The following ATXN8OS variants were observed in gnomAD, a reference collection of about 807,000 sequenced individuals.
ATXN8OS encodes ATXN8 opposite strand lncRNA.
At chr13:70,166,539 T>C (rs12429211) in intron 4 of ATXN8OS, among the ~76,000 whole-genome samples, 30,259 of 151,934 alleles carry the variant, frequency 0.2, 3,477 homozygotes, top group East Asian at 0.5. Flanking sequence ...GACTTAAATG[T>C]TAGACCTAAA....
chr13:70,107,536 C>G, upstream of ATXN8OS: 2 of 1,609,882 alleles, frequency 1.2e-6, no homozygotes, highest in East Asian at 2.2e-5. Context: ...TTTGAGCAGG[C>G]GACTCTGGCT....
At chr13:70,158,907 A>T (rs1198411136) in intron 4 of ATXN8OS, among the ~76,000 whole-genome samples, 1 of 152,182 alleles carries the variant, frequency 6.6e-6, no homozygotes, top group Non-Finnish European at 1.5e-5. Flanking sequence ...GTGTTATAGG[A>T]CTGCTCTTAA....
chr13:70,145,830 A>T (rs1888777107), intron 3 of ATXN8OS, among the ~76,000 whole-genome samples: 1 of 151,922 alleles, frequency 6.6e-6, no homozygotes, highest in South Asian at 2.1e-4. Flanking sequence ...CGTTGGCAAT[A>T]CCATTCAGGA....
chr13:70,125,872 G>T (rs889368722), intron 2 of ATXN8OS, among the ~76,000 whole-genome samples: 1 of 152,070 alleles, frequency 6.6e-6, no homozygotes, highest in African/African-American at 2.4e-5. Context: ...TACCTGCTCT[G>T]CTTCTCTTAC....
At chr13:70,112,831 T>C (rs1168493361) in intron 1 of ATXN8OS, among the ~76,000 whole-genome samples, 2 of 151,736 alleles carry the variant, frequency 1.3e-5, no homozygotes, top group Admixed American at 1.3e-4. Flanking sequence ...GTGCAGAATA[T>C]TGACAGTGGT....
intron 3 of ATXN8OS, among the ~76,000 whole-genome samples, chr13:70,135,498 C>T (rs892488126): frequency 2.6e-5 from 4 of 151,964 alleles, no homozygotes; most frequent in African/African-American, 9.7e-5. Flanking sequence ...TATACTTGGC[C>T]ATCGTAATTG....
intron 4 of ATXN8OS, among the ~76,000 whole-genome samples, chr13:70,163,728 T>C (rs1421325182): frequency 6.6e-6 from 1 of 151,968 alleles, no homozygotes; most frequent in Non-Finnish European, 1.5e-5. Flanking sequence ...TATCAGTATA[T>C]ACTTTTTTTG....
rs577774497 is a variant in ATXN8OS, at chr13:70,131,620, G to A, written n.499+1736G>A. 9.2e-4 allele frequency: 366 copies of A among 396,594 alleles called. 1 individual carries two copies. Among genetic ancestry groups the A allele is most frequent in the Middle Eastern group, 7.6e-3 (12 of 1,576 alleles). The allele number at this position is 396,594 out of a possible 1,614,324, so 24.6% of individuals were successfully genotyped here. On this transcript the variant is annotated intron_variant and non_coding_transcript_variant, in intron 3 of 4. Transcript: ENST00000678624. ...CCCTCAGTTCAGTTCATTCTCCTCC[G>A]TGTTTAGAGCTCAGCTCAGATATCC...
At chr13:70,132,668 T>C (rs143040683) in intron 3 of ATXN8OS, among the ~76,000 whole-genome samples, 292 of 152,262 alleles carry the variant, frequency 1.9e-3, no homozygotes, top group African/African-American at 6.8e-3. Context: ...GACTACATAT[T>C]GAGAGATTAG....
intron 4 of ATXN8OS, among the ~76,000 whole-genome samples, chr13:70,158,468 C>G (rs1888963869): frequency 1.3e-5 from 2 of 152,102 alleles, no homozygotes; most frequent in Non-Finnish European, 1.5e-5. Context: ...TGTAATAGGA[C>G]AGTACAAAAT....
intron 3 of ATXN8OS, among the ~76,000 whole-genome samples, chr13:70,141,727 C>A (rs1156419898): frequency 6.6e-6 from 1 of 151,864 alleles, no homozygotes; most frequent in African/African-American, 2.4e-5. Flanking sequence ...CATTTTTATT[C>A]ATTCATCAAA....
chr13:70,124,449 G>A (rs1366368213), intron 2 of ATXN8OS, among the ~76,000 whole-genome samples: 1 of 152,088 alleles, frequency 6.6e-6, no homozygotes, highest in Non-Finnish European at 1.5e-5. Context: ...TCTCTGATAA[G>A]ATGACAATCA....
At chr13:70,136,401 C>A (rs765837652) in intron 3 of ATXN8OS, among the ~76,000 whole-genome samples, 14 of 151,906 alleles carry the variant, frequency 9.2e-5, no homozygotes, top group Admixed American at 2.0e-4. Context: ...TATAACTTCA[C>A]CACATCATAT....
At chr13:70,156,518 C>T (rs972377222) in intron 4 of ATXN8OS, among the ~76,000 whole-genome samples, 1 of 151,836 alleles carries the variant, frequency 6.6e-6, no homozygotes, top group Non-Finnish European at 1.5e-5. Context: ...AAAATAAGCT[C>T]CTAATGTATT....
chr13:70,169,991 G>A (rs1889126284), exon 5 of ATXN8OS, among the ~76,000 whole-genome samples: 2 of 152,100 alleles, frequency 1.3e-5, no homozygotes, highest in African/African-American at 4.8e-5. Flanking sequence ...TCTCTGAGGT[G>A]TACTTGGGAT....
At chr13:70,148,504 T>C (rs1217200369) in intron 4 of ATXN8OS, among the ~76,000 whole-genome samples, 1 of 152,144 alleles carries the variant, frequency 6.6e-6, no homozygotes, top group Non-Finnish European at 1.5e-5. Context: ...TGGCCTGAAT[T>C]AATTTTTCAG....
intron 3 of ATXN8OS, among the ~76,000 whole-genome samples, chr13:70,145,367 G>A (rs1888767798): frequency 1.3e-5 from 2 of 151,692 alleles, no homozygotes; most frequent in Non-Finnish European, 1.5e-5. Flanking sequence ...CTTTAAAGTA[G>A]TTTTTTCCAA....
intron 1 of ATXN8OS, among the ~76,000 whole-genome samples, chr13:70,112,983 C>A (rs889377803): frequency 1.5e-5 from 2 of 134,746 alleles, no homozygotes; most frequent in Non-Finnish European, 3.0e-5. Flanking sequence ...AGTGCAGTGG[C>A]GTGATTCCTG....
rs202196797 is a variant in ATXN8OS at position 70,171,386 on chromosome 13, G to A, written n.2207G>A. 5.3e-5 allele frequency among the ~76,000 whole-genome samples: 8 copies of A among 152,260 alleles called. No homozygotes were observed. In the East Asian group the frequency reaches 1.2e-3, roughly 22 times the overall value. ...AATTTAATAGCACTTAGCATGAATA[G>A]AGCTAGCAGGACTGGAAATTGCTCT... On this transcript the variant is annotated non_coding_transcript_exon_variant, in exon 5 of 5. Transcript: ENST00000678624.
Sources: gnomAD v4.1 joint callset for allele counts (sites outside exome capture counted in the v4.1 genomes callset) on GRCh38, gnomAD v4.1.1 for gene constraint, MANE v1.5 for transcripts, NCBI Gene and HGNC (gene_info 2026-07-23, HGNC 2026-07-21) for gene names.